The following ELMO1 variants were observed in gnomAD, a reference collection of about 807,000 sequenced individuals.
ELMO1 encodes engulfment and cell motility protein 1.
A neutral mutation model predicts 98.9 loss-of-function variants in ELMO1; 26 were observed. The observed-to-expected ratio is 0.26, with a 90% confidence interval of 0.19 to 0.36. The LOEUF (loss-of-function observed/expected upper bound fraction) is 0.36. Ranked by LOEUF, ELMO1 falls within the 10% of genes least tolerant of loss-of-function variation. The pLI is 1.00. For missense variants in ELMO1, 627 were observed against 935.2 expected, an observed-to-expected ratio of 0.67 and a Z score of 4.30; for synonymous variants, 346 against 346.0, an observed-to-expected ratio of 1.00 and a Z score of 0.00.
intron 13 of ELMO1, among the ~76,000 whole-genome samples, chr7:37,184,299 G>A (rs1791062440): frequency 6.6e-6 from 1 of 152,170 alleles, no homozygotes; most frequent in South Asian, 2.1e-4. Flanking sequence ...TACAAGTCTG[G>A]TCTTAGTGAG....
intron 15 of ELMO1, among the ~76,000 whole-genome samples, chr7:37,043,980 G>A (rs989068250): frequency 6.6e-6 from 1 of 152,138 alleles, no homozygotes; most frequent in Non-Finnish European, 1.5e-5. Context: ...TAATGAAGTA[G>A]TCTTTTTTAT....
At chr7:36,929,335 G>A (rs752843043) in intron 16 of ELMO1, among the ~76,000 whole-genome samples, 8 of 152,126 alleles carry the variant, frequency 5.3e-5, no homozygotes, top group South Asian at 2.1e-4. Context: ...TCACTCCCCC[G>A]TTAAGTCTCC....
At chr7:37,048,838 T>TA (rs1260927132) in intron 15 of ELMO1, among the ~76,000 whole-genome samples, 1 of 152,198 alleles carries the variant, frequency 6.6e-6, no homozygotes, top group Non-Finnish European at 1.5e-5. Flanking sequence ...TTTGGATAGT[T>TA]AAAGTTCAGT....
At chr7:36,882,342 C>CAAAACAAGAGGGACCCAG (rs1471413558) in intron 18 of ELMO1, among the ~76,000 whole-genome samples, 3 of 152,168 alleles carry the variant, frequency 2.0e-5, no homozygotes, top group Non-Finnish European at 4.4e-5. Flanking sequence ...TTCCAAGTCA[C>CAAAACAAGAGGGACCCAG]AAAACAAGAG....
chr7:37,090,266 A>G (rs887303925), intron 15 of ELMO1, among the ~76,000 whole-genome samples: 10 of 152,214 alleles, frequency 6.6e-5, no homozygotes, highest in African/African-American at 2.2e-4. Context: ...TGTAGCTGAA[A>G]TTGTCCTAAC....
At position 37,221,832 on chromosome 7, in the gene ELMO1, G is replaced by C. The variant is rs555891801; in HGVS notation, c.780+783C>G. Among the ~76,000 whole-genome samples, 3 of 152,202 alleles carry C rather than the reference G, an allele frequency of 2.0e-5. No individual in the cohort carries two copies. The East Asian group carries it at 5.8e-4, about 29-fold the overall frequency. ...CCTGCCTCAGCCTCCTGAGTAGCTG[G>C]GATTACAGGCGTGCACTATCATGCC... is the stretch of plus-strand genomic sequence containing the variant. On this transcript the variant is annotated intron_variant, in intron 10 of 21. Transcript: ENST00000310758.
At chr7:36,940,006 G>A (rs1786891155) in intron 16 of ELMO1, among the ~76,000 whole-genome samples, 1 of 152,216 alleles carries the variant, frequency 6.6e-6, no homozygotes, top group Admixed American at 6.5e-5. Flanking sequence ...GACTCCACAG[G>A]TGGCAATTGA....
chr7:37,274,985 A>G (rs1003486704), intron 4 of ELMO1, among the ~76,000 whole-genome samples: 1 of 152,246 alleles, frequency 6.6e-6, no homozygotes, highest in Non-Finnish European at 1.5e-5. Flanking sequence ...AACCAACATT[A>G]TAACTCTATG....
At chr7:37,146,011 CTCTG>C (rs750732557) in intron 13 of ELMO1, among the ~76,000 whole-genome samples, 3 of 152,106 alleles carry the variant, frequency 2.0e-5, no homozygotes, top group South Asian at 2.1e-4. Flanking sequence ...AACAGCAGTT[CTCTG>C]TCTTAGATGC....
At chr7:37,199,502 C>T (rs1174505924) in intron 13 of ELMO1, among the ~76,000 whole-genome samples, 1 of 152,146 alleles carries the variant, frequency 6.6e-6, no homozygotes, top group African/African-American at 2.4e-5. Flanking sequence ...TCATGCATCC[C>T]CTTTTCAGAA....
At chr7:36,885,156 T>C (rs1804841571) in intron 18 of ELMO1, among the ~76,000 whole-genome samples, 1 of 152,196 alleles carries the variant, frequency 6.6e-6, no homozygotes, top group African/African-American at 2.4e-5. Flanking sequence ...AAAGCCTTCC[T>C]TTCTGCACTC....
intron 15 of ELMO1, among the ~76,000 whole-genome samples, chr7:37,058,487 T>C (rs1796505255): frequency 6.6e-6 from 1 of 152,068 alleles, no homozygotes. Flanking sequence ...GTGGGGGACA[T>C]GCCAACCAGA....
chr7:37,291,776 G>A (rs965444810), intron 4 of ELMO1, among the ~76,000 whole-genome samples: 2 of 152,138 alleles, frequency 1.3e-5, no homozygotes, highest in African/African-American at 4.8e-5. Context: ...TTAGCCAGGT[G>A]TGGGGGTGGG....
intron 15 of ELMO1, among the ~76,000 whole-genome samples, chr7:37,086,328 G>T (rs1783768679): frequency 7.5e-6 from 1 of 133,906 alleles, no homozygotes; most frequent in South Asian, 2.5e-4. Context: ...AACAATACAT[G>T]ACTGTGTGTG....
At chr7:37,424,652 A>T (rs1804631084) in intron 1 of ELMO1, among the ~76,000 whole-genome samples, 1 of 152,212 alleles carries the variant, frequency 6.6e-6, no homozygotes, top group African/African-American at 2.4e-5. Flanking sequence ...GACACAATTT[A>T]GCAATGCCGA....
At chr7:37,423,207 A>C (rs1046535589) in intron 1 of ELMO1, among the ~76,000 whole-genome samples, 2 of 152,230 alleles carry the variant, frequency 1.3e-5, no homozygotes, top group African/African-American at 4.8e-5. Flanking sequence ...CATTCATCTT[A>C]TAACCTGCAG....
chr7:37,119,548 A>C (rs1484937822), intron 14 of ELMO1, among the ~76,000 whole-genome samples: 1 of 152,174 alleles, frequency 6.6e-6, no homozygotes, highest in Non-Finnish European at 1.5e-5. Context: ...AGGAGGAAAA[A>C]CCCACTTAAA....
At chr7:37,366,220 G>A (rs973047488) in intron 1 of ELMO1, among the ~76,000 whole-genome samples, 4 of 151,718 alleles carry the variant, frequency 2.6e-5, no homozygotes, top group African/African-American at 7.3e-5. Context: ...ATATCCTTTC[G>A]GTGGTCTCAA....
chr7:36,926,666 C>T (rs747051708), intron 16 of ELMO1, among the ~76,000 whole-genome samples: 12 of 152,110 alleles, frequency 7.9e-5, no homozygotes, highest in Non-Finnish European at 1.3e-4. Flanking sequence ...CTTACACTAA[C>T]CCTAAGGGAC....
Sources: allele counts gnomAD v4.1 joint callset (sites outside exome capture counted in the v4.1 genomes callset), GRCh38; gene constraint gnomAD v4.1.1; transcripts MANE v1.5; gene names NCBI Gene and HGNC (gene_info 2026-07-23, HGNC 2026-07-21).